The following FSTL5 variants were observed in gnomAD, a reference collection of about 807,000 sequenced individuals.
FSTL5 encodes the protein follistatin-related protein 5.
A neutral mutation model predicts 89.1 loss-of-function variants in FSTL5; 62 were observed. That is an observed-to-expected ratio of 0.70 (90% confidence interval 0.57 to 0.86). The LOEUF (loss-of-function observed/expected upper bound fraction) is 0.86, where lower values mean the gene tolerates loss of function less well. Among genes scored for constraint, FSTL5 ranks in the 40% least tolerant of loss-of-function variants. FSTL5 has a pLI of 0.00. For missense variants in FSTL5, 1,057 were observed against 1,001.6 expected (o/e 1.06, Z -0.75); for synonymous variants, 383 against 346.2 (o/e 1.11, Z -1.18).
intron 4 of FSTL5, among the ~76,000 whole-genome samples, chr4:161,907,132 A>T (rs1010511840): frequency 2.0e-5 from 3 of 152,120 alleles, no homozygotes; most frequent in African/African-American, 7.2e-5. Flanking sequence ...AGTAATTTTG[A>T]CATAAATTTA....
At chr4:161,673,697 T>C (rs920014038) in intron 6 of FSTL5, among the ~76,000 whole-genome samples, 1 of 152,006 alleles carries the variant, frequency 6.6e-6, no homozygotes, top group Non-Finnish European at 1.5e-5. Flanking sequence ...TATTTTTATA[T>C]TTAAGCCTGA....
chr4:161,472,443 T>C (rs1309778731), intron 13 of FSTL5, among the ~76,000 whole-genome samples: 2 of 152,166 alleles, frequency 1.3e-5, no homozygotes, highest in Non-Finnish European at 2.9e-5. Flanking sequence ...AGGTTGTTGA[T>C]TTGAGATATT....
intron 3 of FSTL5, among the ~76,000 whole-genome samples, chr4:161,935,886 T>A (rs547312791): frequency 6.6e-6 from 1 of 152,280 alleles, no homozygotes; most frequent in East Asian, 1.9e-4. Context: ...TTCATTTTAT[T>A]AAAAACAAAA....
chr4:161,658,256 G>T (rs1736588587), intron 6 of FSTL5, among the ~76,000 whole-genome samples: 3 of 151,898 alleles, frequency 2.0e-5, no homozygotes, highest in African/African-American at 7.3e-5. Context: ...TTGAAGTGAG[G>T]AGTTCGAGCC....
At chr4:161,835,113 C>A (rs1730992250) in intron 4 of FSTL5, among the ~76,000 whole-genome samples, 1 of 147,832 alleles carries the variant, frequency 6.8e-6, no homozygotes, top group Non-Finnish European at 1.5e-5. Flanking sequence ...AGATATAGAT[C>A]AATGGAACAG....
chr4:161,717,089 A>C (rs986475484), intron 6 of FSTL5, among the ~76,000 whole-genome samples: 1 of 152,176 alleles, frequency 6.6e-6, no homozygotes, highest in Non-Finnish European at 1.5e-5. Context: ...TGTTTTAGAT[A>C]ATTGTTTTTG....
At chr4:161,728,968 G>T (rs1421486711) in intron 6 of FSTL5, among the ~76,000 whole-genome samples, 1 of 152,042 alleles carries the variant, frequency 6.6e-6, no homozygotes, top group Non-Finnish European at 1.5e-5. Context: ...TCACTAATCT[G>T]AGAATGGCCT....
chr4:161,843,366 T>A (rs1731269982), intron 4 of FSTL5, among the ~76,000 whole-genome samples: 1 of 152,188 alleles, frequency 6.6e-6, no homozygotes, highest in Non-Finnish European at 1.5e-5. Context: ...GTATGGCCAT[T>A]TTCACAGTAT....
chr4:161,609,011 T>C (rs769326904), intron 7 of FSTL5, among the ~76,000 whole-genome samples: 3 of 152,050 alleles, frequency 2.0e-5, no homozygotes, highest in Non-Finnish European at 2.9e-5. Flanking sequence ...TTTTATCATA[T>C]TAACCTATAA....
intron 4 of FSTL5, among the ~76,000 whole-genome samples, chr4:161,878,229 A>G (rs1579162954): frequency 6.6e-6 from 1 of 152,146 alleles, no homozygotes; most frequent in African/African-American, 2.4e-5. Context: ...TTTTAAAATT[A>G]TGAGTCACAG....
intron 10 of FSTL5, among the ~76,000 whole-genome samples, chr4:161,532,389 A>C (rs1334837547): frequency 6.6e-6 from 1 of 152,138 alleles, no homozygotes; most frequent in Non-Finnish European, 1.5e-5. Flanking sequence ...CCCCCACATC[A>C]GTGAGGTGTT....
At chr4:161,735,389 A>T (rs1385465638) in intron 6 of FSTL5, among the ~76,000 whole-genome samples, 1 of 152,176 alleles carries the variant, frequency 6.6e-6, no homozygotes, top group East Asian at 1.9e-4. Context: ...ATGATTAATT[A>T]AACATTGACC....
chr4:162,162,155 C>T (rs1032326258), intron 1 of FSTL5, among the ~76,000 whole-genome samples: 1 of 151,970 alleles, frequency 6.6e-6, no homozygotes, highest in African/African-American at 2.4e-5. Context: ...TCTTGTAGGG[C>T]TGTGTAGTAA....
intron 6 of FSTL5, among the ~76,000 whole-genome samples, chr4:161,696,544 T>C (rs1323271932): frequency 6.6e-6 from 1 of 152,180 alleles, no homozygotes; most frequent in Non-Finnish European, 1.5e-5. Context: ...ATTGGCAGTA[T>C]GGTCATTTTC....
intron 10 of FSTL5, among the ~76,000 whole-genome samples, chr4:161,532,731 C>T (rs777080368): frequency 5.3e-5 from 8 of 152,110 alleles, no homozygotes; most frequent in Non-Finnish European, 1.2e-4. Flanking sequence ...TGACACCTGA[C>T]CAATGGGACC....
intron 3 of FSTL5, among the ~76,000 whole-genome samples, chr4:161,988,320 CAG>C (rs1219105916): frequency 6.6e-6 from 1 of 151,924 alleles, no homozygotes; most frequent in Admixed American, 6.6e-5. Context: ...TGTAAGGTAA[CAG>C]AATAACTGAA....
chr4:161,974,532 G>A (rs1221885592), intron 3 of FSTL5, among the ~76,000 whole-genome samples: 1 of 129,344 alleles, frequency 7.7e-6, no homozygotes, highest in East Asian at 2.2e-4. Context: ...ATGGTGCTGG[G>A]AAAACTGGCT....
intron 3 of FSTL5, among the ~76,000 whole-genome samples, chr4:161,959,807 A>G (rs1251793840): frequency 6.6e-6 from 1 of 152,102 alleles, no homozygotes; most frequent in Non-Finnish European, 1.5e-5. Flanking sequence ...GTGCTATTGA[A>G]TTAGCCTTTA....
chr4:161,459,637 T>G (rs1578989980), intron 13 of FSTL5, among the ~76,000 whole-genome samples: 2 of 152,038 alleles, frequency 1.3e-5, no homozygotes, highest in Non-Finnish European at 2.9e-5. Flanking sequence ...CCTATGCACA[T>G]TGTGAGGTGG....
Sources: allele counts gnomAD v4.1 joint callset (sites outside exome capture counted in the v4.1 genomes callset), GRCh38; gene constraint gnomAD v4.1.1; transcripts MANE v1.5; gene names NCBI Gene and HGNC (gene_info 2026-07-23, HGNC 2026-07-21).